CCNQ: variants seen among roughly 807,000 people sequenced by gnomAD.
CCNQ encodes cyclin-Q.
A neutral mutation model predicts 17.7 loss-of-function variants in CCNQ; 3 were observed. The ratio of observed to expected loss-of-function variants is 0.17; its 90% CI spans 0.08 to 0.44. The LOEUF is 0.44. Among genes scored for constraint, CCNQ ranks in the 20% least tolerant of loss-of-function variants. The probability of loss-of-function intolerance (pLI) is 0.99; values close to 1 mark genes in which losing one functional copy is unlikely to be tolerated. For synonymous variants in CCNQ, 73 were observed against 96.0 expected, an observed-to-expected ratio of 0.76 and a Z score of 1.40; for missense variants, 146 against 222.6, an observed-to-expected ratio of 0.66 and a Z score of 2.19.
rs781799914 is a variant in CCNQ, at chrX:153,594,579, G to A, written c.397C>T (p.Arg133Cys). The A allele has an allele frequency of 6.6e-6, 8 of 1,209,458 alleles. No homozygotes were observed. Among genetic ancestry groups the A allele is most frequent in the East Asian group, 3.0e-5 (1 of 33,765 alleles). The change falls in exon 3 of 5, where the codon CGC becomes TGC. Residue 133 changes from arginine to cysteine, a missense_variant. Coordinates refer to ENST00000576892, the MANE Select transcript of CCNQ (RefSeq NM_152274.5). ...GGATGCTGGAAGGAGACCTGGAAGC[G>A]CAGAACTCTCAGCATGAGAAGCTCA... ...QCELLMLRVL[R>C]FQVSFQHPHK...
At position 153,598,902 on chromosome X, in the gene CCNQ, G is replaced by A. The variant is rs1557027653; in HGVS notation, c.112+60C>T. 9 of 896,854 alleles carry A rather than the reference G, an allele frequency of 1.0e-5. No homozygotes were observed. The African/African-American group carries it at 1.1e-4, about 11-fold the overall frequency. 73.9% of individuals were successfully genotyped at this position (896,854 alleles called of 1,213,427 possible). ...CCAGAAGGCCGGCCTGGCCAGCCGGGCCCGCTCCGCGAAGCGGGCCGCGGC... is the reference window on the plus strand; with the variant it reads ...CCAGAAGGCCGGCCTGGCCAGCCGGACCCGCTCCGCGAAGCGGGCCGCGGC... On this transcript the variant is annotated intron_variant, in intron 1 of 4. Coordinates refer to ENST00000576892, the MANE Select transcript of CCNQ (RefSeq NM_152274.5).
At position 153,599,138 on chromosome X, in the gene CCNQ, G is replaced by A; in HGVS notation, c.-65C>T. The A allele has an allele frequency of 1.8e-6, 1 of 549,268 alleles. No homozygotes were observed. The highest frequency in any genetic ancestry group is 2.3e-6 in the Non-Finnish European group (1 of 439,870). 45.3% of individuals were successfully genotyped at this position (549,268 alleles called of 1,213,427 possible). A position where few individuals can be genotyped will look rare whatever the true frequency, so the allele number is the denominator to read the frequency against. On this transcript the variant is annotated 5_prime_UTR_variant, in exon 1 of 5. Coordinates refer to ENST00000576892, the MANE Select transcript of CCNQ (RefSeq NM_152274.5). ...CGCGCAGAAGCCGGCAGAACTGGAG[G>A]TGCTCGCGGCGGGCGCTGCCGCCCC...
chrX:153,598,947 C>T lies in CCNQ; in HGVS notation c.112+15G>A. 1.8e-6 allele frequency: 2 copies of T among 1,117,129 alleles called. No individual in the cohort carries two copies. The highest frequency in any genetic ancestry group is 2.4e-6 in the Non-Finnish European group (2 of 845,667). 92.1% of individuals were successfully genotyped at this position (1,117,129 alleles called of 1,213,427 possible). A position where few individuals can be genotyped will look rare whatever the true frequency, so the allele number is the denominator to read the frequency against. On this transcript the variant is annotated intron_variant, in intron 1 of 4. Coordinates refer to ENST00000576892, the MANE Select transcript of CCNQ (RefSeq NM_152274.5). ...CGCGGCGCCGCCTGTCCTGGCCTCCCCCGGCCGCGGTTACCTGCCTCCATG... is the reference window on the plus strand; with the variant it reads ...CGCGGCGCCGCCTGTCCTGGCCTCCTCCGGCCGCGGTTACCTGCCTCCATG...
chrX:153,595,982 G>A (rs1557026937), intron 2 of CCNQ, 22 bp downstream of exon 2: 1 of 1,211,367 alleles, frequency 8.3e-7, no homozygotes, highest in Admixed American at 2.2e-5. Flanking sequence ...TGGAGATCAG[G>A]AGCCCAGCCA....
Position 153,598,955 on chromosome X carries a change from C to T in CCNQ, c.112+7G>A, listed in dbSNP as rs781872515. 4 of 1,127,647 alleles carry T rather than the reference C, an allele frequency of 3.5e-6. No homozygotes were observed. The South Asian group carries it at 7.8e-5, about 22-fold the overall frequency. 92.9% of individuals were successfully genotyped at this position (1,127,647 alleles called of 1,213,427 possible). On this transcript the variant is annotated splice_region_variant and intron_variant, in intron 1 of 4. Transcript: ENST00000576892. Reference sequence around the variant, plus strand: ...CGCCTGTCCTGGCCTCCCCCGGCCGCGGTTACCTGCCTCCATGATGAACCT... The same window carrying T: ...CGCCTGTCCTGGCCTCCCCCGGCCGTGGTTACCTGCCTCCATGATGAACCT...
Position 153,596,108 on chromosome X carries a change from C to T in CCNQ, c.192G>A (p.Leu64=). The part of the protein sequence containing the change: ...IYHKFFCETN[L]DAYDPYLIAM... ...CAATCAGGTAAGGGTCATAGGCGTCCAGGTTGGTCTCGCAAAAGAACTTAT... is the reference window on the plus strand; with the variant it reads ...CAATCAGGTAAGGGTCATAGGCGTCTAGGTTGGTCTCGCAAAAGAACTTAT... The change falls in exon 2 of 5, where the codon CTG becomes CTA. Residue 64 remains leucine (L), a synonymous_variant. Transcript: ENST00000576892. 8.2e-7 allele frequency: 1 copy of T among 1,212,126 alleles called. No individual in the cohort carries two copies. Among genetic ancestry groups the T allele is most frequent in the African/African-American group, 1.7e-5 (1 of 57,888 alleles).
intron 2 of CCNQ, 118 bp from the exon 3 acceptor site, chrX:153,594,797 CA>C (rs1374441954): frequency 2.6e-6 from 2 of 760,983 alleles, no homozygotes; most frequent in Non-Finnish European, 4.0e-6. Flanking sequence ...TCTGCAGATT[CA>C]TGGAGGGTCA....
intron 4 of CCNQ, among the ~76,000 whole-genome samples, chrX:153,589,151 C>A (rs1557025203): frequency 8.9e-6 from 1 of 112,889 alleles, no homozygotes; most frequent in Non-Finnish European, 1.9e-5. Flanking sequence ...CTAACCACAT[C>A]ATTTATGGTG....
At position 153,593,559 on chromosome X, in the gene CCNQ, A is replaced by T. The variant is rs1453107531; in HGVS notation, c.430-826T>A. ...CTCAGCAAGCATTCTGCCCACTAAG[A>T]CACTACTGCGCAGAAATCCCAGACC... is the stretch of plus-strand genomic sequence containing the variant. On this transcript the variant is annotated intron_variant, in intron 3 of 4. Transcript: ENST00000576892. Among the ~76,000 whole-genome samples the T allele has an allele frequency of 2.7e-5, 3 of 111,677 alleles. No individual in the cohort carries two copies. In the East Asian group the frequency reaches 8.5e-4, roughly 31 times the overall value.
At chrX:153,596,217 T>C (rs1263487384) in intron 1 of CCNQ, 30 bp from the exon 2 acceptor site, 4 of 1,200,364 alleles carry the variant, frequency 3.3e-6, no homozygotes, top group Non-Finnish European at 4.5e-6. Flanking sequence ...AAGAGAGGAC[T>C]TCAATCCAGC....
intron 1 of CCNQ, among the ~76,000 whole-genome samples, chrX:153,598,402 C>T (rs1015393403): frequency 4.7e-5 from 5 of 106,921 alleles, no homozygotes; most frequent in Non-Finnish European, 9.6e-5. Flanking sequence ...GCCAACAGAG[C>T]GAGACTCCGT....
chrX:153,595,969 G>T, intron 2 of CCNQ, 35 bp downstream of exon 2: 1 of 1,207,651 alleles, frequency 8.3e-7, no homozygotes, highest in Non-Finnish European at 1.1e-6. Flanking sequence ...CCCCCCCACC[G>T]GGTGGAGATC....
At chrX:153,592,095 G>A (rs1271159934) in intron 4 of CCNQ, among the ~76,000 whole-genome samples, 1 of 111,491 alleles carries the variant, frequency 9.0e-6, no homozygotes, top group Non-Finnish European at 1.9e-5. Flanking sequence ...TATCCATCCA[G>A]GTGTCTGTCA....
At chrX:153,591,603 C>G (rs1290078227) in intron 4 of CCNQ, among the ~76,000 whole-genome samples, 2 of 111,395 alleles carry the variant, frequency 1.8e-5, no homozygotes, top group East Asian at 2.8e-4. Flanking sequence ...GGTGTTTGCC[C>G]CCCCCAGAGT....
chrX:153,591,507 C>T (rs1001646018), intron 4 of CCNQ, among the ~76,000 whole-genome samples: 21 of 111,556 alleles, frequency 1.9e-4, no homozygotes, highest in African/African-American at 6.9e-4. Flanking sequence ...TACGAGCAAG[C>T]GCAGAAGACA....
chrX:153,593,385 A>C (rs1236800226), intron 3 of CCNQ, among the ~76,000 whole-genome samples: 4 of 112,104 alleles, frequency 3.6e-5, no homozygotes, highest in African/African-American at 1.3e-4. Context: ...AGGGGCTGGC[A>C]GGCTCCCAGC....
chrX:153,592,194 C>G (rs1174141909), intron 4 of CCNQ, among the ~76,000 whole-genome samples: 1 of 112,561 alleles, frequency 8.9e-6, no homozygotes, highest in African/African-American at 3.2e-5. Flanking sequence ...GGTTTAGTAA[C>G]CTGTGATCAC....
Position 153,588,250 on chromosome X carries a change from C to T in CCNQ, c.*115G>A. The T allele has an allele frequency of 1.6e-6, 1 of 636,627 alleles. No homozygotes were observed. Among genetic ancestry groups the T allele is most frequent in the Non-Finnish European group, 2.7e-6 (1 of 370,352 alleles). 52.5% of individuals were successfully genotyped at this position (636,627 alleles called of 1,213,427 possible). A position where few individuals can be genotyped will look rare whatever the true frequency, so the allele number is the denominator to read the frequency against. On this transcript the variant is annotated 3_prime_UTR_variant, in exon 5 of 5. Transcript: ENST00000576892. ...CTTCTCCAGCCCTTCTCCAGCAGCACAACCAGTCCTCCCAGCTGGTCCTGT... is the reference window on the plus strand; with the variant it reads ...CTTCTCCAGCCCTTCTCCAGCAGCATAACCAGTCCTCCCAGCTGGTCCTGT...
intron 1 of CCNQ, chrX:153,597,369 G>A (rs1338292633): frequency 1.8e-5 from 2 of 112,565 alleles, no homozygotes; most frequent in Non-Finnish European, 3.8e-5. Context: ...TAAGATCAAC[G>A]TCTAAGCAGG....
Sources: allele counts gnomAD v4.1 joint callset (sites outside exome capture counted in the v4.1 genomes callset), GRCh38; gene constraint gnomAD v4.1.1; transcripts MANE v1.5; gene names NCBI Gene and HGNC (gene_info 2026-07-23, HGNC 2026-07-21).